The following ADK variants were observed in gnomAD, a reference collection of about 807,000 sequenced individuals.
ADK encodes the protein adenosine kinase.
A neutral mutation model predicts 44.7 loss-of-function variants in ADK; 24 were observed. The ratio of observed to expected loss-of-function variants is 0.54; its 90% CI spans 0.39 to 0.76. ADK has a LOEUF of 0.76. ADK is among the 30% of genes least tolerant of loss of function. ADK has a pLI of 0.00. For missense variants in ADK, 321 were observed against 425.1 expected, an observed-to-expected ratio of 0.76 and a Z score of 2.15; for synonymous variants, 128 against 142.6, an observed-to-expected ratio of 0.90 and a Z score of 0.73.
At chr10:74,416,587 T>C (rs1349577570) in intron 6 of ADK, among the ~76,000 whole-genome samples, 1 of 151,494 alleles carries the variant, frequency 6.6e-6, no homozygotes, top group Admixed American at 6.6e-5. Flanking sequence ...TTTTGTCAAT[T>C]GTGGTAAGTC....
intron 9 of ADK, among the ~76,000 whole-genome samples, chr10:74,604,067 C>A (rs547501192): frequency 6.6e-6 from 1 of 152,262 alleles, no homozygotes; most frequent in East Asian, 1.9e-4. Context: ...AGTGTCTGTT[C>A]ATATCCTTTG....
chr10:74,210,997 G>A (rs1466006551), intron 2 of ADK, among the ~76,000 whole-genome samples: 1 of 151,994 alleles, frequency 6.6e-6, no homozygotes, highest in Non-Finnish European at 1.5e-5. Flanking sequence ...CTATTCTTAT[G>A]CCTCAGTCTC....
In ADK at chr10:74,386,767, T is replaced by A. The variant is rs552440415; in HGVS notation, c.274-7374T>A. On this transcript the variant is annotated intron_variant, in intron 4 of 10. Transcript: ENST00000539909. ...GGTATACTCCTAATAGTCTTTTATT[T>A]CTGTTTTTCATTGTTTTTGTTAATA... is the stretch of plus-strand genomic sequence containing the variant. 3.9e-5 allele frequency among the ~76,000 whole-genome samples: 6 copies of A among 152,314 alleles called. No individual in the cohort carries two copies. The East Asian group carries it at 9.6e-4, about 24-fold the overall frequency.
At chr10:74,283,142 G>A (rs1013615057) in intron 3 of ADK, among the ~76,000 whole-genome samples, 1 of 152,072 alleles carries the variant, frequency 6.6e-6, no homozygotes, top group Non-Finnish European at 1.5e-5. Flanking sequence ...CAAATATTCT[G>A]TTTTCTGCTA....
At chr10:74,619,808 T>A (rs1253274018) in intron 9 of ADK, among the ~76,000 whole-genome samples, 2 of 152,166 alleles carry the variant, frequency 1.3e-5, no homozygotes, top group Non-Finnish European at 2.9e-5. Flanking sequence ...GCAACCCGTA[T>A]CTTGCAGGCT....
intron 5 of ADK, among the ~76,000 whole-genome samples, chr10:74,397,849 A>C (rs191797848): frequency 3.3e-5 from 5 of 152,288 alleles, no homozygotes; most frequent in Admixed American, 6.5e-5. Context: ...CTGCAGCAAG[A>C]TTTTAAATGC....
At chr10:74,289,406 T>C (rs1847317756) in intron 3 of ADK, among the ~76,000 whole-genome samples, 1 of 152,148 alleles carries the variant, frequency 6.6e-6, no homozygotes, top group South Asian at 2.1e-4. Context: ...CTCTGCTGAA[T>C]TGGGCTAAAT....
At chr10:74,370,972 A>G (rs901031361) in intron 4 of ADK, among the ~76,000 whole-genome samples, 1 of 152,180 alleles carries the variant, frequency 6.6e-6, no homozygotes, top group Non-Finnish European at 1.5e-5. Flanking sequence ...ATGTATTTAT[A>G]CTGTTAGTTT....
intron 2 of ADK, among the ~76,000 whole-genome samples, chr10:74,224,084 T>TAAAC: frequency 6.6e-6 from 1 of 151,930 alleles, no homozygotes; most frequent in East Asian, 1.9e-4. Flanking sequence ...TCTCAACAAA[T>TAAAC]AAACAAACAA....
At chr10:74,176,000 C>T (rs541902639) in intron 1 of ADK, among the ~76,000 whole-genome samples, 5 of 151,924 alleles carry the variant, frequency 3.3e-5, no homozygotes, top group Admixed American at 6.6e-5. Context: ...TTTTATAGCC[C>T]GCATGCTTCT....
At chr10:74,595,388 TTTTTGGG>T (rs1459151444) in intron 8 of ADK, among the ~76,000 whole-genome samples, 73 of 7,108 alleles carry the variant, frequency 0.01, no homozygotes, top group African/African-American at 0.035. Context: ...TTTTTTTTTT[TTTTTGGG>T]GAGGGGGTTT....
intron 4 of ADK, among the ~76,000 whole-genome samples, chr10:74,354,525 A>G (rs1842072127): frequency 6.6e-6 from 1 of 152,218 alleles, no homozygotes; most frequent in African/African-American, 2.4e-5. Context: ...GGAAACCATG[A>G]TAAACTCCAA....
intron 8 of ADK, among the ~76,000 whole-genome samples, chr10:74,599,628 T>C (rs912613780): frequency 5.3e-5 from 8 of 152,216 alleles, no homozygotes; most frequent in African/African-American, 1.9e-4. Context: ...GTTGAAAAGA[T>C]GATTCTAAAA....
chr10:74,406,565 G>T (rs1843941667), intron 6 of ADK, among the ~76,000 whole-genome samples: 2 of 141,128 alleles, frequency 1.4e-5, no homozygotes, highest in Middle Eastern at 4.0e-3. Flanking sequence ...AGAAGAAGAA[G>T]AAGCCACTTG....
intron 6 of ADK, among the ~76,000 whole-genome samples, chr10:74,438,384 C>G (rs1845261923): frequency 6.9e-6 from 1 of 144,304 alleles, no homozygotes; most frequent in African/African-American, 2.4e-5. Context: ...GTCACCACAT[C>G]CGGCTAATTT....
intron 9 of ADK, among the ~76,000 whole-genome samples, chr10:74,608,759 G>A (rs932640213): frequency 1.5e-4 from 23 of 152,236 alleles, no homozygotes; most frequent in African/African-American, 5.3e-4. Flanking sequence ...CACTGTGCTG[G>A]GAGATTTGCT....
chr10:74,281,757 T>G (rs1846946005), intron 3 of ADK, among the ~76,000 whole-genome samples: 1 of 152,236 alleles, frequency 6.6e-6, no homozygotes, highest in African/African-American at 2.4e-5. Flanking sequence ...AACTGCAAGT[T>G]TTCTGAGAAG....
At chr10:74,527,377 A>C (rs75086736) in intron 7 of ADK, among the ~76,000 whole-genome samples, 8,254 of 152,030 alleles carry the variant, frequency 0.054, 234 homozygotes, top group Middle Eastern at 0.099. Context: ...ACAAACAAAA[A>C]AAAAAAAACA....
At chr10:74,701,689 A>G (rs985445548) in intron 10 of ADK, among the ~76,000 whole-genome samples, 6 of 152,238 alleles carry the variant, frequency 3.9e-5, no homozygotes, top group East Asian at 3.8e-4. Context: ...TCACACCTGT[A>G]ATCCCAGCAC....
Sources: allele counts gnomAD v4.1 joint callset (sites outside exome capture counted in the v4.1 genomes callset), GRCh38; gene constraint gnomAD v4.1.1; transcripts MANE v1.5; gene names NCBI Gene and HGNC (gene_info 2026-07-23, HGNC 2026-07-21).